The following RMST variants were observed in gnomAD, a reference collection of about 807,000 sequenced individuals.
The protein encoded by RMST is rhabdomyosarcoma 2 associated transcript.
intron 11 of RMST, among the ~76,000 whole-genome samples, chr12:97,538,054 C>T (rs781167555): frequency 2.0e-5 from 3 of 151,318 alleles, no homozygotes; most frequent in Non-Finnish European, 3.0e-5. Context: ...TTAATCACAT[C>T]AGCTGGTTAA....
chr12:97,484,634 G>A (rs1227379082), intron 5 of RMST, among the ~76,000 whole-genome samples: 3 of 152,150 alleles, frequency 2.0e-5, no homozygotes, highest in African/African-American at 7.2e-5. Context: ...CACTCATGTT[G>A]GCTGAGAAAT....
chr12:97,553,227 A>ATTTTACCTTTT (rs796357524), intron 11 of RMST, among the ~76,000 whole-genome samples: 3,523 of 152,284 alleles, frequency 0.023, 71 homozygotes, highest in East Asian at 0.12. Flanking sequence ...TGATAATAAC[A>ATTTTACCTTTT]AAATAGCGAT....
intron 5 of RMST, among the ~76,000 whole-genome samples, chr12:97,488,295 T>G (rs1021524113): frequency 6.6e-6 from 1 of 152,152 alleles, no homozygotes; most frequent in Non-Finnish European, 1.5e-5. Flanking sequence ...GAAGAATTGC[T>G]TGAACCTGGG....
At chr12:97,464,160 A>G (rs982454950) in intron 4 of RMST, among the ~76,000 whole-genome samples, 1 of 152,344 alleles carries the variant, frequency 6.6e-6, no homozygotes, top group East Asian at 1.9e-4. Context: ...TCTTTGTCAC[A>G]AAAATGAGTC....
intron 13 of RMST, among the ~76,000 whole-genome samples, chr12:97,562,226 C>T (rs1884170658): frequency 6.6e-6 from 1 of 152,208 alleles, no homozygotes; most frequent in African/African-American, 2.4e-5. Flanking sequence ...GCTACCTGAG[C>T]AAATGCAAGG....
rs1880151094 is a variant in RMST, at chr12:97,518,367, C to T, written n.1341-12288C>T. ...AATTTAAAAATTCTGATTTGAACTT[C>T]TTGCCCACAGTTTCTTCCTGCTCTC... On this transcript the variant is annotated intron_variant and non_coding_transcript_variant, in intron 10 of 13. Transcript: ENST00000640149. Among the ~76,000 whole-genome samples the T allele has an allele frequency of 2.6e-5, 4 of 152,164 alleles. No individual in the cohort carries two copies. In the South Asian group the frequency reaches 8.3e-4, roughly 32 times the overall value.
At chr12:97,490,875 C>T (rs924988540) in intron 5 of RMST, among the ~76,000 whole-genome samples, 2 of 152,178 alleles carry the variant, frequency 1.3e-5, no homozygotes, top group African/African-American at 4.8e-5. Flanking sequence ...AATTGCACAA[C>T]TATCAAACTG....
At chr12:97,530,405 T>C (rs1881520305) in intron 10 of RMST, 1 of 151,978 alleles carries the variant, frequency 6.6e-6, no homozygotes, top group Non-Finnish European at 1.5e-5. Flanking sequence ...TGCAAGATAA[T>C]AAGTAGTATT....
intron 10 of RMST, among the ~76,000 whole-genome samples, chr12:97,524,519 C>T (rs1392845354): frequency 1.3e-5 from 2 of 152,230 alleles, no homozygotes; most frequent in African/African-American, 4.8e-5. Flanking sequence ...GACACTGCTG[C>T]TGCTGTGGAT....
At chr12:97,561,445 T>G (rs1035522691) in intron 13 of RMST, among the ~76,000 whole-genome samples, 1 of 152,038 alleles carries the variant, frequency 6.6e-6, no homozygotes, top group Non-Finnish European at 1.5e-5. Context: ...AGGCTTTCAT[T>G]TGATTTTTGG....
chr12:97,551,187 A>G (rs1472992746), intron 11 of RMST, among the ~76,000 whole-genome samples: 1 of 151,986 alleles, frequency 6.6e-6, no homozygotes, highest in African/African-American at 2.4e-5. Flanking sequence ...AAAAAAAAAA[A>G]AAAGACCAAG....
At chr12:97,554,080 G>A (rs1039547916) in intron 11 of RMST, among the ~76,000 whole-genome samples, 1 of 149,912 alleles carries the variant, frequency 6.7e-6, no homozygotes, top group African/African-American at 2.5e-5. Flanking sequence ...TCAGCCTCCC[G>A]ATTAGCTGGG....
chr12:97,511,146 CCTT>C (rs768952873), intron 10 of RMST, among the ~76,000 whole-genome samples: 62 of 146,016 alleles, frequency 4.2e-4, no homozygotes, highest in Non-Finnish European at 6.5e-4. Flanking sequence ...AATTGTACTT[CCTT>C]CTTTTTTTTT....
Position 97,507,289 on chromosome 12 carries a change from A to T in RMST, n.1340+11233A>T, listed in dbSNP as rs11109071. 5.2e-3 allele frequency among the ~76,000 whole-genome samples: 750 copies of T among 144,408 alleles called. 24 individuals are homozygous for T. The East Asian group carries it at 0.072, about 14-fold the overall frequency. The allele number at this position is 144,408 out of a possible 152,430, so 94.7% of individuals were successfully genotyped here. A position where few individuals can be genotyped will look rare whatever the true frequency, so the allele number is the denominator to read the frequency against. ...TTTTGTTTTTGTCTTTTTTTTTTTAAAAAAAAAAAGATGGCTAACTCTGCC... is the reference window on the plus strand; with the variant it reads ...TTTTGTTTTTGTCTTTTTTTTTTTATAAAAAAAAAGATGGCTAACTCTGCC... On this transcript the variant is annotated intron_variant and non_coding_transcript_variant, in intron 10 of 13. Transcript: ENST00000640149.
At chr12:97,498,238 G>T (rs1877678023) in intron 10 of RMST, among the ~76,000 whole-genome samples, 2 of 152,232 alleles carry the variant, frequency 1.3e-5, no homozygotes, top group South Asian at 4.2e-4. Context: ...CTTGCTACGG[G>T]GATCTAGAAT....
intron 10 of RMST, among the ~76,000 whole-genome samples, chr12:97,505,556 G>A (rs1000530440): frequency 2.0e-5 from 3 of 152,162 alleles, no homozygotes; most frequent in Non-Finnish European, 2.9e-5. Context: ...TATAAATGGT[G>A]GCAAAGCTAT....
chr12:97,540,937 GATAGATAGAT>G (rs1475507755), intron 11 of RMST, among the ~76,000 whole-genome samples: 10 of 112,094 alleles, frequency 8.9e-5, no homozygotes, highest in African/African-American at 2.1e-4. Flanking sequence ...TAGATAGAGA[GATAGATAGAT>G]ATAGATATAG....
intron 5 of RMST, among the ~76,000 whole-genome samples, chr12:97,470,848 A>G (rs1035643127): frequency 1.3e-5 from 2 of 152,032 alleles, no homozygotes; most frequent in African/African-American, 4.8e-5. Flanking sequence ...CTCCCCAAAA[A>G]AGAGCCATTT....
intron 5 of RMST, among the ~76,000 whole-genome samples, chr12:97,490,163 G>C (rs1876615330): frequency 6.6e-6 from 1 of 152,198 alleles, no homozygotes; most frequent in African/African-American, 2.4e-5. Context: ...GAATGAGCCT[G>C]GCGGACGGAC....
Sources: gnomAD v4.1 joint callset for allele counts (sites outside exome capture counted in the v4.1 genomes callset) on GRCh38, gnomAD v4.1.1 for gene constraint, MANE v1.5 for transcripts, NCBI Gene and HGNC (gene_info 2026-07-23, HGNC 2026-07-21) for gene names.